DNAJC6: variants seen among roughly 807,000 people sequenced by gnomAD.
The protein encoded by DNAJC6 is DnaJ heat shock protein family (Hsp40) member C6.
In DNAJC6, 34 loss-of-function variants were observed where a neutral mutation model predicts 110.0. The observed-to-expected ratio is 0.31, with a 90% confidence interval of 0.24 to 0.41. The LOEUF is 0.41. DNAJC6 is among the 10% of genes least tolerant of loss of function. The pLI is 1.00. For missense variants in DNAJC6, 1,031 were observed against 1,207.8 expected, an observed-to-expected ratio of 0.85 and a Z score of 2.17; for synonymous variants, 406 against 437.2, an observed-to-expected ratio of 0.93 and a Z score of 0.89.
chr1:65,296,366 T>C (rs1199529911), intron 1 of DNAJC6, among the ~76,000 whole-genome samples: 2 of 152,184 alleles, frequency 1.3e-5, no homozygotes, highest in African/African-American at 2.4e-5. Flanking sequence ...GTGACAACTT[T>C]ATTGGCTGAA....
intron 1 of DNAJC6, among the ~76,000 whole-genome samples, chr1:65,320,613 G>GTCTCC (rs1645189277): frequency 6.6e-6 from 1 of 152,158 alleles, no homozygotes; most frequent in African/African-American, 2.4e-5. Flanking sequence ...TTGCATAAAT[G>GTCTCC]TCTCCTGGCT....
chr1:65,273,776 G>A (rs1294366649), intron 1 of DNAJC6, among the ~76,000 whole-genome samples: 1 of 151,942 alleles, frequency 6.6e-6, no homozygotes, highest in Non-Finnish European at 1.5e-5. Flanking sequence ...AAACAGTTGG[G>A]GAGTTTCTAG....
chr1:65,333,386 A>G (rs926773709), intron 1 of DNAJC6, among the ~76,000 whole-genome samples: 6 of 152,126 alleles, frequency 3.9e-5, no homozygotes, highest in African/African-American at 1.4e-4. Context: ...GATAAAAACC[A>G]TCACTGCTTT....
At chr1:65,314,104 T>C (rs935815162) in intron 1 of DNAJC6, among the ~76,000 whole-genome samples, 3 of 152,054 alleles carry the variant, frequency 2.0e-5, no homozygotes, top group Non-Finnish European at 4.4e-5. Flanking sequence ...AGTATAATGA[T>C]AGGTAAGGAT....
At chr1:65,361,045 T>G (rs1645592081) in intron 1 of DNAJC6, among the ~76,000 whole-genome samples, 1 of 152,202 alleles carries the variant, frequency 6.6e-6, no homozygotes, top group South Asian at 2.1e-4. Context: ...AAATGGTAGA[T>G]TAGCAAGGCT....
chr1:65,324,102 A>G (rs1379055452), intron 1 of DNAJC6, among the ~76,000 whole-genome samples: 2 of 152,142 alleles, frequency 1.3e-5, no homozygotes, highest in African/African-American at 4.8e-5. Context: ...TTCTCTCTTC[A>G]GTTTACAAGG....
At chr1:65,345,629 C>G in intron 1 of DNAJC6, 2 of 984,218 alleles carry the variant, frequency 2.0e-6, no homozygotes, top group Non-Finnish European at 2.4e-6. Context: ...ATTATTGAGT[C>G]GAGAATTTTT....
At chr1:65,363,779 A>G (rs1378701615) in intron 1 of DNAJC6, among the ~76,000 whole-genome samples, 2 of 152,180 alleles carry the variant, frequency 1.3e-5, no homozygotes, top group Non-Finnish European at 2.9e-5. Flanking sequence ...TAAAATGTCA[A>G]TAGTGCTGAG....
intron 1 of DNAJC6, among the ~76,000 whole-genome samples, chr1:65,317,561 C>T (rs967889772): frequency 3.3e-5 from 5 of 152,130 alleles, no homozygotes; most frequent in African/African-American, 9.7e-5. Context: ...GTATTAACAG[C>T]GCAAATGTCA....
rs530419747 is a variant in DNAJC6 at position 65,314,730 on chromosome 1, C to T, written c.193+4792C>T. 3.2e-4 allele frequency among the ~76,000 whole-genome samples: 48 copies of T among 152,326 alleles called. No individual in the cohort carries two copies. The East Asian group carries it at 4.1e-3, about 13-fold the overall frequency. On this transcript the variant is annotated intron_variant, in intron 1 of 18. Coordinates refer to ENST00000371069, the MANE Select transcript of DNAJC6 (RefSeq NM_001256864.2). ...CTTGGACTCCTGACCTCAGGTGATCCGCCTGCCTCAGCCTCCCAAAGTGCT... is the reference window on the plus strand; with the variant it reads ...CTTGGACTCCTGACCTCAGGTGATCTGCCTGCCTCAGCCTCCCAAAGTGCT...
chr1:65,379,524 G>A lies in DNAJC6; in HGVS notation c.666G>A (p.Leu222=). 1 of 1,613,842 alleles carries A rather than the reference G, an allele frequency of 6.2e-7. No homozygotes were observed. Among genetic ancestry groups the A allele is most frequent in the Non-Finnish European group, 8.5e-7 (1 of 1,179,870 alleles). ...AAAATGTCTGTGTTGTCCACTGCTT[G>A]GTGAGTAACCTTTTGTTGTTGGTGG... The part of the protein sequence containing the change: ...NPKNVCVVHC[L]DGRAASSILV... Residue 222 remains leucine (L), a splice_region_variant and synonymous_variant, in exon 5 of 19, where the codon TTG becomes TTA. Transcript: ENST00000371069.
chr1:65,410,709 C>T (rs1157463549), intron 17 of DNAJC6, among the ~76,000 whole-genome samples: 4 of 152,180 alleles, frequency 2.6e-5, no homozygotes, highest in African/African-American at 7.2e-5. Context: ...GGTCAATTCA[C>T]GTAACAAGCC....
intron 1 of DNAJC6, among the ~76,000 whole-genome samples, chr1:65,290,362 GT>G (rs1644858839): frequency 6.6e-6 from 1 of 152,098 alleles, no homozygotes; most frequent in South Asian, 2.1e-4. Context: ...CTTTAATGCA[GT>G]CTACTTTATT....
At chr1:65,319,648 AAAC>A (rs1043024027) in intron 1 of DNAJC6, among the ~76,000 whole-genome samples, 2 of 152,298 alleles carry the variant, frequency 1.3e-5, no homozygotes, top group Non-Finnish European at 2.9e-5. Flanking sequence ...AAAAAACAAA[AAAC>A]AAAAAAACCA....
chr1:65,408,648 AC>A lies in DNAJC6; in HGVS notation c.2500del (p.Gln834LysfsTer27). 6.2e-7 allele frequency: 1 copy of A among 1,609,070 alleles called. No individual in the cohort carries two copies. The highest frequency in any genetic ancestry group is 8.5e-7 in the Non-Finnish European group (1 of 1,178,810). On this transcript the variant is annotated frameshift_variant, in exon 17 of 19. Transcript: ENST00000371069. LOFTEE classifies it high-confidence loss of function. ...TCAAAAATTATATTGCAGAAGGGAA[AC>A]AAAAAGCAGCTGATTTTGAAGACCT... is the stretch of plus-strand genomic sequence containing the variant. ...GKGSSNLEGK[Q>X]KAADFEDLLS...
At chr1:65,326,406 G>C (rs905575368) in intron 1 of DNAJC6, among the ~76,000 whole-genome samples, 2 of 152,184 alleles carry the variant, frequency 1.3e-5, no homozygotes, top group Non-Finnish European at 2.9e-5. Context: ...TTGAAGGATG[G>C]GTAGGATTTG....
chr1:65,308,457 T>C (rs1469517272), upstream of DNAJC6, among the ~76,000 whole-genome samples: 9 of 152,180 alleles, frequency 5.9e-5, no homozygotes, highest in Admixed American at 3.9e-4. Flanking sequence ...TTATTTTAGG[T>C]GAAAATAAAC....
chr1:65,270,303 T>C (rs769028741), intron 1 of DNAJC6, among the ~76,000 whole-genome samples: 7 of 152,202 alleles, frequency 4.6e-5, no homozygotes, highest in Non-Finnish European at 8.8e-5. Flanking sequence ...TATATATATA[T>C]ACATATGCAT....
upstream of DNAJC6, among the ~76,000 whole-genome samples, chr1:65,306,927 G>T (rs1356526197): frequency 6.8e-6 from 1 of 147,706 alleles, no homozygotes; most frequent in East Asian, 2.0e-4. Flanking sequence ...ACCAATAATG[G>T]TAATAGAGAA....
Sources: allele counts gnomAD v4.1 joint callset (sites outside exome capture counted in the v4.1 genomes callset), GRCh38; gene constraint gnomAD v4.1.1; transcripts MANE v1.5; gene names NCBI Gene and HGNC (gene_info 2026-07-23, HGNC 2026-07-21).